Variants in VEPH1 observed in about 807,000 individuals in gnomAD.
VEPH1 encodes ventricular zone expressed PH domain containing 1, also known as ventricular zone-expressed PH domain-containing protein homolog 1.
A neutral mutation model predicts 85.2 loss-of-function variants in VEPH1; 80 were observed. That is an observed-to-expected ratio of 0.94 (90% CI 0.78 to 1.13). VEPH1 has a LOEUF of 1.13. VEPH1 is among the 50% of genes most tolerant of loss of function. VEPH1 has a pLI of 0.00. For missense variants in VEPH1, 955 were observed against 980.5 expected, an observed-to-expected ratio of 0.97 and a Z score of 0.35; for synonymous variants, 297 against 348.0, an observed-to-expected ratio of 0.85 and a Z score of 1.63.
chr3:157,302,278 G>A (rs1718891419), intron 11 of VEPH1, among the ~76,000 whole-genome samples: 2 of 151,966 alleles, frequency 1.3e-5, no homozygotes, highest in Non-Finnish European at 2.9e-5. Flanking sequence ...TTTTACTTTT[G>A]TCCCTTTCCA....
At chr3:157,439,588 G>A (rs1733951052) in intron 4 of VEPH1, among the ~76,000 whole-genome samples, 1 of 152,160 alleles carries the variant, frequency 6.6e-6, no homozygotes, top group African/African-American at 2.4e-5. Flanking sequence ...TAGCCAACAT[G>A]CGGTTCCAGT....
intron 5 of VEPH1, among the ~76,000 whole-genome samples, chr3:157,419,368 C>T (rs146399414): frequency 4.3e-4 from 66 of 152,306 alleles, no homozygotes; most frequent in African/African-American, 1.5e-3. Context: ...AAGAAACTAT[C>T]ATCAGAGTGA....
At chr3:157,410,485 T>C (rs1293132194) in intron 6 of VEPH1, among the ~76,000 whole-genome samples, 7 of 152,160 alleles carry the variant, frequency 4.6e-5, no homozygotes, top group African/African-American at 1.7e-4. Context: ...TGGGTAGAGA[T>C]ATACACACAT....
rs899182394 is a variant in VEPH1 at position 157,351,124 on chromosome 3, C to T, written c.1735+12240G>A. On this transcript the variant is annotated intron_variant, in intron 9 of 13. Coordinates refer to ENST00000362010, the MANE Select transcript of VEPH1 (RefSeq NM_001167912.2). ...TAAGATACGGAATCAACCCGGGTCC[C>T]CCAAAACAAATGAATGGATAAAGAA... is the stretch of plus-strand genomic sequence containing the variant. Among the ~76,000 whole-genome samples, 6 of 152,098 alleles carry T rather than the reference C, an allele frequency of 3.9e-5. No individual in the cohort carries two copies. The East Asian group carries it at 7.8e-4, about 20-fold the overall frequency.
intron 11 of VEPH1, among the ~76,000 whole-genome samples, chr3:157,305,453 G>A (rs991197156): frequency 1.3e-5 from 2 of 152,062 alleles, no homozygotes; most frequent in African/African-American, 4.8e-5. Context: ...TTCAGGACTA[G>A]ACCTACAAAA....
chr3:157,490,604 A>T (rs907684164), intron 2 of VEPH1, among the ~76,000 whole-genome samples: 1 of 152,148 alleles, frequency 6.6e-6, no homozygotes, highest in Non-Finnish European at 1.5e-5. Flanking sequence ...AAACTTTTAA[A>T]ATCTGATAAA....
intron 9 of VEPH1, among the ~76,000 whole-genome samples, chr3:157,344,467 A>G (rs1196155890): frequency 6.6e-6 from 1 of 152,232 alleles, no homozygotes; most frequent in Non-Finnish European, 1.5e-5. Context: ...AATCCAACTT[A>G]CAAGGGATGT....
At chr3:157,283,446 A>G (rs951230530) in intron 12 of VEPH1, among the ~76,000 whole-genome samples, 16 of 152,238 alleles carry the variant, frequency 1.1e-4, no homozygotes, top group Non-Finnish European at 1.9e-4. Context: ...CAGGGCCTCT[A>G]CATTATTTTA....
intron 2 of VEPH1, among the ~76,000 whole-genome samples, chr3:157,485,571 T>C (rs1419422243): frequency 1.3e-5 from 2 of 151,484 alleles, no homozygotes; most frequent in Non-Finnish European, 2.9e-5. Context: ...AAAAACTCAA[T>C]CAATTAAAAA....
rs193110456 is a variant in VEPH1, at chr3:157,311,357, C to G, written c.2010+2264G>C. On this transcript the variant is annotated intron_variant, in intron 11 of 13. Coordinates refer to ENST00000362010, the MANE Select transcript of VEPH1 (RefSeq NM_001167912.2). ...GTCACTGCAGCCGATACACACATGGCCATCTCTTTCAAATCACTAATGTAT... is the reference window on the plus strand; with the variant it reads ...GTCACTGCAGCCGATACACACATGGGCATCTCTTTCAAATCACTAATGTAT... Among the ~76,000 whole-genome samples, 268 of 152,304 alleles carry G rather than the reference C, an allele frequency of 1.8e-3. 2 individuals are homozygous for G. The highest frequency in any genetic ancestry group is 0.017 in the Middle Eastern group (5 of 294).
At chr3:157,330,467 A>C (rs1419581536) in intron 9 of VEPH1, among the ~76,000 whole-genome samples, 1 of 152,240 alleles carries the variant, frequency 6.6e-6, no homozygotes, top group African/African-American at 2.4e-5. Flanking sequence ...ACACGCAACC[A>C]TCTGAGCAGC....
intron 6 of VEPH1, among the ~76,000 whole-genome samples, chr3:157,392,836 C>G (rs886777326): frequency 6.6e-6 from 1 of 152,168 alleles, no homozygotes; most frequent in Non-Finnish European, 1.5e-5. Context: ...GCGGCAGATA[C>G]TTTTGATTGC....
intron 5 of VEPH1, among the ~76,000 whole-genome samples, chr3:157,424,287 T>A (rs1255278504): frequency 3.3e-5 from 5 of 152,222 alleles, no homozygotes; most frequent in Non-Finnish European, 5.9e-5. Context: ...TCCCTAGCCA[T>A]GTGGAACTGT....
At chr3:157,487,146 A>G (rs1298645431) in intron 2 of VEPH1, among the ~76,000 whole-genome samples, 1 of 152,106 alleles carries the variant, frequency 6.6e-6, no homozygotes, top group African/African-American at 2.4e-5. Context: ...CAGAAAGTAC[A>G]AAAAGTAAAG....
At chr3:157,425,521 G>C (rs544579406) in intron 5 of VEPH1, among the ~76,000 whole-genome samples, 14 of 152,292 alleles carry the variant, frequency 9.2e-5, no homozygotes, top group Admixed American at 5.2e-4. Context: ...TCATTTCGGA[G>C]CTTTAATATT....
At chr3:157,499,090 A>G (rs1367199147) in intron 1 of VEPH1, among the ~76,000 whole-genome samples, 1 of 152,198 alleles carries the variant, frequency 6.6e-6, no homozygotes, top group Non-Finnish European at 1.5e-5. Context: ...CACAGAGCCA[A>G]TATTCACATT....
At chr3:157,277,551 C>T (rs374637222) in intron 12 of VEPH1, among the ~76,000 whole-genome samples, 15 of 152,180 alleles carry the variant, frequency 9.9e-5, no homozygotes, top group African/African-American at 3.4e-4. Flanking sequence ...AATTTTTAAA[C>T]AGGAGTTCCA....
At chr3:157,501,257 C>T (rs986963939) in intron 1 of VEPH1, among the ~76,000 whole-genome samples, 6 of 152,184 alleles carry the variant, frequency 3.9e-5, no homozygotes, top group Admixed American at 2.6e-4. Context: ...ACTTCATTCT[C>T]TTGAATGGGT....
At chr3:157,361,253 A>T (rs908907721) in intron 9 of VEPH1, among the ~76,000 whole-genome samples, 1 of 152,240 alleles carries the variant, frequency 6.6e-6, no homozygotes, top group Non-Finnish European at 1.5e-5. Context: ...AAATGGCTTT[A>T]AAAGTCTTAG....
Sources: gnomAD v4.1 joint callset for allele counts (sites outside exome capture counted in the v4.1 genomes callset) on GRCh38, gnomAD v4.1.1 for gene constraint, MANE v1.5 for transcripts, NCBI Gene and HGNC (gene_info 2026-07-23, HGNC 2026-07-21) for gene names.